AKAP6: variants seen among roughly 807,000 people sequenced by gnomAD.
The protein encoded by AKAP6 is A-kinase anchor protein 6.
AKAP6 carries 58 observed loss-of-function variants against 188.5 expected under a neutral mutation model. That is an observed-to-expected ratio of 0.31 (90% confidence interval 0.25 to 0.38). The LOEUF is 0.38. AKAP6 is among the 10% of genes least tolerant of loss of function. The pLI, the probability that AKAP6 is intolerant of heterozygous loss-of-function variation, is 1.00. For missense variants in AKAP6, 2,710 were observed against 2,740.0 expected (o/e 0.99, Z 0.24); for synonymous variants, 989 against 998.6 (o/e 0.99, Z 0.18).
chr14:32,388,843 A>G (rs999561085), intron 1 of AKAP6, among the ~76,000 whole-genome samples: 6 of 152,104 alleles, frequency 3.9e-5, no homozygotes, highest in African/African-American at 1.4e-4. Flanking sequence ...GTTGGATGGA[A>G]TGTTCTGTAT....
rs769681213 is a variant in AKAP6 at position 32,546,422 on chromosome 14, A to G, written c.1769A>G (p.Asn590Ser). 66 of 1,614,066 alleles carry G rather than the reference A, an allele frequency of 4.1e-5. No individual in the cohort carries two copies. The highest frequency in any genetic ancestry group is 4.7e-5 in the Non-Finnish European group (55 of 1,180,028). Reference sequence around the variant, plus strand: ...AGTGAATCCTCTGTTGGCTCAGACAACATCATGTCTCCGGTGCCACTTCTT... The same window carrying G: ...AGTGAATCCTCTGTTGGCTCAGACAGCATCATGTCTCCGGTGCCACTTCTT... Reference protein sequence around the residue: ...QSSESSVGSDNIMSPVPLLSK... With the variant: ...QSSESSVGSDSIMSPVPLLSK... Residue 590 changes from asparagine to serine, a missense_variant, in exon 4 of 14, where the codon AAC (asparagine) becomes AGC (serine). Physicochemically the swap from Asn to Ser is conservative, Grantham distance 46. Around this residue, in one of 2 missense-constraint regions of AKAP6, gnomAD observed 2,473 missense variants for 2,426.1 expected, o/e 1.02. Transcript: ENST00000280979.
At position 32,599,430 on chromosome 14, in the gene AKAP6, C is replaced by T; in HGVS notation, c.2490C>T (p.Asp830=). The change falls in exon 6 of 14, where the codon GAC becomes GAT. Residue 830 remains aspartate (D), a synonymous_variant. Transcript: ENST00000280979. Reference sequence around the variant, plus strand: ...TGCAGAGTTTTAAGTTGAATGTAGACAGTCATTGTGCTCTCAAGGAAGCTG... The same window carrying T: ...TGCAGAGTTTTAAGTTGAATGTAGATAGTCATTGTGCTCTCAAGGAAGCTG... The part of the protein sequence containing the change: ...ETHLSFKLNV[D]SHCALKEAVE... 1 of 1,612,826 alleles carries T rather than the reference C, an allele frequency of 6.2e-7. No homozygotes were observed. Among genetic ancestry groups the T allele is most frequent in the South Asian group, 1.1e-5 (1 of 90,876 alleles).
At chr14:32,337,843 G>A (rs1156727840) in intron 1 of AKAP6, among the ~76,000 whole-genome samples, 2 of 151,572 alleles carry the variant, frequency 1.3e-5, no homozygotes, top group Non-Finnish European at 2.9e-5. Flanking sequence ...TGGAGAAAAA[G>A]ATAACATAAC....
At chr14:32,650,897 A>G (rs78456413) in intron 7 of AKAP6, among the ~76,000 whole-genome samples, 2,496 of 152,302 alleles carry the variant, frequency 0.016, 77 homozygotes, top group African/African-American at 0.054. Context: ...ATTTTTATAA[A>G]TGTAGATTTT....
At chr14:32,626,117 G>T (rs1462092438) in intron 7 of AKAP6, among the ~76,000 whole-genome samples, 2 of 152,036 alleles carry the variant, frequency 1.3e-5, no homozygotes, top group East Asian at 3.9e-4. Context: ...GGTTATACTT[G>T]GTCCAGGCCT....
intron 5 of AKAP6, among the ~76,000 whole-genome samples, chr14:32,590,363 A>G (rs1885438819): frequency 6.6e-6 from 1 of 152,080 alleles, no homozygotes; most frequent in African/African-American, 2.4e-5. Context: ...GGCCGGGCAC[A>G]GTGGCTCACA....
chr14:32,734,173 C>T (rs2031311641), intron 10 of AKAP6: 1 of 151,986 alleles, frequency 6.6e-6, no homozygotes. Flanking sequence ...TCCTGTACCA[C>T]ACTAACACCA....
intron 11 of AKAP6, among the ~76,000 whole-genome samples, chr14:32,753,136 A>G (rs563163223): frequency 6.6e-6 from 1 of 152,214 alleles, no homozygotes; most frequent in East Asian, 1.9e-4. Flanking sequence ...ATTGTTTTCC[A>G]TATTTATATT....
At chr14:32,371,147 C>T (rs1416879957) in intron 1 of AKAP6, among the ~76,000 whole-genome samples, 2 of 152,168 alleles carry the variant, frequency 1.3e-5, no homozygotes, top group African/African-American at 4.8e-5. Flanking sequence ...ACTGATAAAA[C>T]ATCATAAGTA....
At chr14:32,727,232 G>A (rs1049922248) in intron 9 of AKAP6, among the ~76,000 whole-genome samples, 12 of 152,192 alleles carry the variant, frequency 7.9e-5, no homozygotes, top group African/African-American at 2.6e-4. Flanking sequence ...TAGACTTGGC[G>A]TCCTTATGCA....
intron 7 of AKAP6, among the ~76,000 whole-genome samples, chr14:32,608,874 TCAAA>T (rs1185143971): frequency 6.6e-6 from 1 of 152,090 alleles, no homozygotes; most frequent in Admixed American, 6.6e-5. Context: ...GTAGTGGAGG[TCAAA>T]CATTTTAAAA....
At chr14:32,360,040 G>C (rs1433890850) in intron 1 of AKAP6, among the ~76,000 whole-genome samples, 1 of 152,166 alleles carries the variant, frequency 6.6e-6, no homozygotes, top group Non-Finnish European at 1.5e-5. Flanking sequence ...GTCTATCAAA[G>C]AATCTGTGGA....
At chr14:32,367,877 A>T (rs929266351) in intron 1 of AKAP6, among the ~76,000 whole-genome samples, 6 of 152,144 alleles carry the variant, frequency 3.9e-5, no homozygotes, top group African/African-American at 1.2e-4. Flanking sequence ...CCAGCTTTAC[A>T]TCTCCACCAA....
rs1275339758 is a variant in AKAP6, at chr14:32,835,756, C to CTTCTT, written c.*5958_*5962dup. 8.0e-6 allele frequency: 1 copy of CTTCTT among 125,676 alleles called. No individual in the cohort carries two copies. Among genetic ancestry groups the CTTCTT allele is most frequent in the East Asian group, 2.1e-4 (1 of 4,684 alleles). 7.8% of individuals were successfully genotyped at this position (125,676 alleles called of 1,614,324 possible). A position where few individuals can be genotyped will look rare whatever the true frequency, so the allele number is the denominator to read the frequency against. On this transcript the variant is annotated 3_prime_UTR_variant, in exon 14 of 14. Transcript: ENST00000280979. The stretch of plus-strand genomic sequence containing the variant: ...AAGAAGATGTTCAAAAAGAATAGTC[C>CTTCTT]TTCTTTTCTTTCTTAAATTCACCTT...
chr14:32,515,481 G>A (rs1482596937), intron 2 of AKAP6, among the ~76,000 whole-genome samples: 1 of 152,144 alleles, frequency 6.6e-6, no homozygotes, highest in African/African-American at 2.4e-5. Flanking sequence ...AGGTTTTTCA[G>A]AGATATGTAA....
intron 13 of AKAP6, among the ~76,000 whole-genome samples, chr14:32,829,558 A>C (rs1450542214): frequency 6.6e-6 from 1 of 152,106 alleles, no homozygotes; most frequent in African/African-American, 2.4e-5. Context: ...AGTGGATGAC[A>C]TCCAGAGAAA....
intron 12 of AKAP6, among the ~76,000 whole-genome samples, chr14:32,797,871 C>T (rs1311585914): frequency 6.9e-6 from 1 of 145,050 alleles, no homozygotes; most frequent in African/African-American, 2.6e-5. Flanking sequence ...AACTAAGATG[C>T]TAAAAGCAAA....
chr14:32,773,690 G>T lies in AKAP6; in HGVS notation c.3385G>T (p.Glu1129Ter). 6.2e-7 allele frequency: 1 copy of T among 1,613,972 alleles called. No individual in the cohort carries two copies. Among genetic ancestry groups the T allele is most frequent in the Non-Finnish European group, 8.5e-7 (1 of 1,179,924 alleles). ...CTCTATGTTGCAGTCCCTCTGTCGTGAAATCAAGCAACGACGTCGAGGAGT... is the reference window on the plus strand; with the variant it reads ...CTCTATGTTGCAGTCCCTCTGTCGTTAAATCAAGCAACGACGTCGAGGAGT... ...QLQYFKSLCREIKQRRRGVAS... is the reference protein window; with the variant it reads ...QLQYFKSLCR The change falls in exon 12 of 14, where the codon GAA becomes TAA. Residue 1129 changes from glutamate to a stop codon, truncating the protein, a stop_gained. Transcript: ENST00000280979. LOFTEE classifies it high-confidence loss of function.
chr14:32,674,711 G>T (rs1889356301), intron 7 of AKAP6, among the ~76,000 whole-genome samples: 1 of 152,184 alleles, frequency 6.6e-6, no homozygotes, highest in African/African-American at 2.4e-5. Flanking sequence ...AGAAACCCAA[G>T]TAGCGATGTC....
Sources: allele counts gnomAD v4.1 joint callset (sites outside exome capture counted in the v4.1 genomes callset), GRCh38; gene constraint gnomAD v4.1.1; regional missense constraint gnomAD v4.1.1; transcripts MANE v1.5; gene names NCBI Gene and HGNC (gene_info 2026-07-23, HGNC 2026-07-21).